HSPA12A: variants seen among roughly 807,000 people sequenced by gnomAD.
HSPA12A encodes the protein heat shock protein family A (Hsp70) member 12A.
A neutral mutation model predicts 69.2 loss-of-function variants in HSPA12A; 28 were observed. The observed-to-expected ratio is 0.40, with a 90% confidence interval of 0.30 to 0.55. The LOEUF is 0.55. Ranked by LOEUF, HSPA12A falls within the 20% of genes least tolerant of loss-of-function variation. The pLI is 0.38. For synonymous variants in HSPA12A, 345 were observed against 370.5 expected, an observed-to-expected ratio of 0.93 and a Z score of 0.79; for missense variants, 686 against 900.7, an observed-to-expected ratio of 0.76 and a Z score of 3.05.
exon 1 of HSPA12A, chr10:116,849,736 G>GTGTA: frequency 6.7e-7 from 1 of 1,501,022 alleles, no homozygotes; most frequent in South Asian, 1.3e-5. Flanking sequence ...CACCTGGTAG[G>GTGTA]GACCTGGGAC....
At chr10:116,742,734 C>T (rs1376578676), upstream of HSPA12A, among the ~76,000 whole-genome samples, 42 of 151,778 alleles carry the variant, frequency 2.8e-4, no homozygotes, top group South Asian at 2.9e-3. Flanking sequence ...CGGAGCTGCG[C>T]TCCCCGCCCG....
At chr10:116,802,262 C>G (rs923974348) in intron 2 of HSPA12A, among the ~76,000 whole-genome samples, 1 of 152,116 alleles carries the variant, frequency 6.6e-6, no homozygotes, top group Admixed American at 6.5e-5. Flanking sequence ...CATGAGCTGC[C>G]CAGGCCCGTG....
chr10:116,686,811 C>T lies in HSPA12A; in HGVS notation c.664-2849G>A, dbSNP rs1304301981. The stretch of plus-strand genomic sequence containing the variant: ...CTCATCCCTCTTCCCACACCATAAG[C>T]TCCACCCCCACCCCTTCCCAAACCA... On this transcript the variant is annotated intron_variant, in intron 6 of 11. Transcript: ENST00000369209. This position sits in a 1 kb window ranked among gnomAD's most constrained non-coding sequence, Gnocchi z 4.1. 6.6e-6 allele frequency among the ~76,000 whole-genome samples: 1 copy of T among 151,102 alleles called. No homozygotes were observed. The highest frequency in any genetic ancestry group is 1.5e-5 in the Non-Finnish European group (1 of 67,790).
chr10:116,780,562 G>A (rs10787729), intron 2 of HSPA12A, among the ~76,000 whole-genome samples: 58,864 of 150,862 alleles, frequency 0.39, 12,308 homozygotes, highest in Middle Eastern at 0.45. Context: ...TTTATTTTTC[G>A]TAGATATGGT....
intron 5 of HSPA12A, among the ~76,000 whole-genome samples, chr10:116,697,727 G>A (rs1277997187): frequency 2.6e-5 from 4 of 152,156 alleles, no homozygotes; most frequent in Admixed American, 2.0e-4. Context: ...GTTATAAAGT[G>A]TGTAGTTCAG....
intron 1 of HSPA12A, among the ~76,000 whole-genome samples, chr10:116,738,425 AAG>A (rs1554886635): frequency 6.6e-6 from 1 of 152,224 alleles, no homozygotes; most frequent in African/African-American, 2.4e-5. Context: ...TCTCGGAAGA[AAG>A]AGCATTGAGA....
intron 3 of HSPA12A, among the ~76,000 whole-genome samples, chr10:116,703,501 T>C (rs1554881848): frequency 6.6e-6 from 1 of 151,354 alleles, no homozygotes; most frequent in East Asian, 1.9e-4. Flanking sequence ...ACCACTGCAT[T>C]CCAGCCTGGG....
intron 2 of HSPA12A, among the ~76,000 whole-genome samples, chr10:116,753,748 A>G (rs1445788958): frequency 3.9e-5 from 6 of 152,302 alleles, no homozygotes; most frequent in Middle Eastern, 3.4e-3. Context: ...AATTCAAGGA[A>G]ATGGGTCTAC....
Position 116,823,509 on chromosome 10 carries a change from CCA to C in HSPA12A, c.91+11424_91+11425del, listed in dbSNP as rs577773612. Among the ~76,000 whole-genome samples, 10 of 152,280 alleles carry C rather than the reference CCA, an allele frequency of 6.6e-5. No individual in the cohort carries two copies. The East Asian group carries it at 1.9e-3, about 29-fold the overall frequency. On this transcript the variant is annotated intron_variant, in intron 2 of 12. Transcript: ENST00000635765. Reference sequence around the variant, plus strand: ...TCTAATTTCAAAACTCAATACAAAACCACAGTGATCAAGATAGTGTGGTACTT... The same window carrying C: ...TCTAATTTCAAAACTCAATACAAAACCAGTGATCAAGATAGTGTGGTACTT...
upstream of HSPA12A, among the ~76,000 whole-genome samples, chr10:116,743,164 A>T (rs1441862179): frequency 1.3e-5 from 2 of 152,226 alleles, no homozygotes; most frequent in Non-Finnish European, 2.9e-5. Flanking sequence ...CTCCGGACCC[A>T]GGGAGGTGCT....
At chr10:116,813,549 T>C (rs1845238920) in intron 2 of HSPA12A, among the ~76,000 whole-genome samples, 1 of 151,912 alleles carries the variant, frequency 6.6e-6, no homozygotes, top group Admixed American at 6.6e-5. Context: ...GCCCAGCTGC[T>C]TTCTCACATT....
chr10:116,700,878 C>G, intron 4 of HSPA12A, 65 bp downstream of exon 4: 1 of 1,545,864 alleles, frequency 6.5e-7, no homozygotes, highest in Non-Finnish European at 8.8e-7. Context: ...TTCCCCACCC[C>G]AAGGCTGGAG....
intron 1 of HSPA12A, among the ~76,000 whole-genome samples, chr10:116,726,425 G>A (rs1489643669): frequency 6.6e-6 from 1 of 151,770 alleles, no homozygotes; most frequent in East Asian, 1.9e-4. Context: ...AGTTATATAC[G>A]CACATTCCCA....
chr10:116,729,782 T>C (rs1554885481), intron 1 of HSPA12A, among the ~76,000 whole-genome samples: 3 of 152,206 alleles, frequency 2.0e-5, no homozygotes. Flanking sequence ...TCAAAACTCA[T>C]GGAACTGTAC....
chr10:116,734,098 G>T (rs1352564439), intron 1 of HSPA12A, among the ~76,000 whole-genome samples: 3 of 152,014 alleles, frequency 2.0e-5, no homozygotes, highest in South Asian at 4.2e-4. Context: ...CTTCTTAGGG[G>T]GCCATTCTCA....
intron 2 of HSPA12A, among the ~76,000 whole-genome samples, chr10:116,780,950 G>A (rs184216038): frequency 6.6e-6 from 1 of 152,314 alleles, no homozygotes; most frequent in East Asian, 1.9e-4. Context: ...GCCTATTCAA[G>A]TTCACTGACC....
At chr10:116,813,050 CG>C (rs1447198036) in intron 2 of HSPA12A, among the ~76,000 whole-genome samples, 3 of 151,990 alleles carry the variant, frequency 2.0e-5, no homozygotes, top group African/African-American at 7.3e-5. Context: ...TGAGAAGCCA[CG>C]GTGATGAGGA....
intron 2 of HSPA12A, among the ~76,000 whole-genome samples, chr10:116,826,268 T>C (rs1280782353): frequency 6.6e-6 from 1 of 152,220 alleles, no homozygotes; most frequent in Non-Finnish European, 1.5e-5. Flanking sequence ...CATATTTATT[T>C]AATTATTGGA....
chr10:116,753,338 C>T (rs375765126), intron 2 of HSPA12A, among the ~76,000 whole-genome samples: 2 of 152,216 alleles, frequency 1.3e-5, no homozygotes, highest in South Asian at 2.1e-4. Flanking sequence ...TGAAAAGACA[C>T]CTGGCACACT....
Sources: allele counts gnomAD v4.1 joint callset (sites outside exome capture counted in the v4.1 genomes callset), GRCh38; gene constraint gnomAD v4.1.1; non-coding constraint Gnocchi (gnomAD v3.1); transcripts MANE v1.5; gene names NCBI Gene and HGNC (gene_info 2026-07-23, HGNC 2026-07-21).